The following TAF10 variants were observed in gnomAD, a reference collection of about 807,000 sequenced individuals.
The protein encoded by TAF10 is TATA-box binding protein associated factor 10.
TAF10 carries 2 observed loss-of-function variants against 18.1 expected under a neutral mutation model. The observed-to-expected ratio is 0.11, with a 90% CI of 0.05 to 0.35. The LOEUF is 0.35. TAF10 is among the 10% of genes least tolerant of loss of function. The pLI is 1.00. For missense variants in TAF10, 293 were observed against 306.9 expected, an observed-to-expected ratio of 0.95 and a Z score of 0.34; for synonymous variants, 158 against 134.6, an observed-to-expected ratio of 1.17 and a Z score of -1.20.
rs201143095 is a variant in TAF10, at chr11:6,609,435, G to C, written c.*1487C>G. The C allele has an allele frequency of 2.9e-4, 472 of 1,613,676 alleles. 8 individuals carry two copies. In the South Asian group the frequency reaches 4.6e-3, roughly 16 times the overall value. On this transcript the variant is annotated 3_prime_UTR_variant, in exon 5 of 5. Transcript: ENST00000299424. ...TAGTGCAAGGCGTAACCTGGAAGCT[G>C]CTAGTTCCAAGGAACCCTGAATAGC... is the stretch of plus-strand genomic sequence containing the variant.
At position 6,612,140 on chromosome 11, in the gene TAF10, G is replaced by A. The variant is rs943447900; in HGVS notation, c.50C>T (p.Ala17Val). 5.0e-6 allele frequency: 6 copies of A among 1,196,360 alleles called. No homozygotes were observed. The African/African-American group carries it at 9.6e-5, about 19-fold the overall frequency. The allele number at this position is 1,196,360 out of a possible 1,614,324, so 74.1% of individuals were successfully genotyped here. A position where few individuals can be genotyped will look rare whatever the true frequency, so the allele number is the denominator to read the frequency against. ...GADPEAAPAS[A>V]ASAPGPAPPV... ...GGGCGCGGGGCCCGGGGCCGAGGCG[G>A]CGGAGGCCGGCGCCGCCTCGGGGTC... The change falls in exon 1 of 5, where the codon GCC (alanine) becomes GTC (valine). Residue 17 changes from alanine (A) to valine (V), a missense_variant. Physicochemically the swap from Ala to Val is moderately conservative, Grantham distance 64. Transcript: ENST00000299424.
rs746659166 is a variant in TAF10 at position 6,610,628 on chromosome 11, C to T, written c.*294G>A. Reference sequence around the variant, plus strand: ...GACAAGTAGGACTGGAAGGTCCTTGCCTGAACTCCAGAGGTGTCGGGACAT... The same window carrying T: ...GACAAGTAGGACTGGAAGGTCCTTGTCTGAACTCCAGAGGTGTCGGGACAT... On this transcript the variant is annotated 3_prime_UTR_variant, in exon 5 of 5. Coordinates refer to ENST00000299424, the MANE Select transcript of TAF10 (RefSeq NM_006284.4). The T allele has an allele frequency of 3.7e-6, 6 of 1,613,932 alleles. No individual in the cohort carries two copies. In the Admixed American group the frequency reaches 1.0e-4, roughly 27 times the overall value.
Position 6,609,639 on chromosome 11 carries a change from A to G in TAF10, c.*1283T>C, listed in dbSNP as rs1334974997. On this transcript the variant is annotated 3_prime_UTR_variant, in exon 5 of 5. Coordinates refer to ENST00000299424, the MANE Select transcript of TAF10 (RefSeq NM_006284.4). The stretch of plus-strand genomic sequence containing the variant: ...CTACAATGTACTACATGAAGGCACC[A>G]GTGAGTAGGGATGTTGAATTTCCTT... 3 of 1,614,224 alleles carry G rather than the reference A, an allele frequency of 1.9e-6. No homozygotes were observed. Among genetic ancestry groups the G allele is most frequent in the Non-Finnish European group, 1.7e-6 (2 of 1,180,034 alleles).
chr11:6,610,603 G>T lies in TAF10; in HGVS notation c.*319C>A. 2 of 1,614,190 alleles carry T rather than the reference G, an allele frequency of 1.2e-6. No homozygotes were observed. The highest frequency in any genetic ancestry group is 1.7e-6 in the Non-Finnish European group (2 of 1,180,042). ...TGTGCCTATCCTTGAGAAGATGCAGGACAAGTAGGACTGGAAGGTCCTTGC... is the reference window on the plus strand; with the variant it reads ...TGTGCCTATCCTTGAGAAGATGCAGTACAAGTAGGACTGGAAGGTCCTTGC... On this transcript the variant is annotated 3_prime_UTR_variant, in exon 5 of 5. Coordinates refer to ENST00000299424, the MANE Select transcript of TAF10 (RefSeq NM_006284.4).
At position 6,609,768 on chromosome 11, in the gene TAF10, A is replaced by G. The variant is rs1339432987; in HGVS notation, c.*1154T>C. 4 of 1,614,192 alleles carry G rather than the reference A, an allele frequency of 2.5e-6. No homozygotes were observed. Among genetic ancestry groups the G allele is most frequent in the African/African-American group, 1.3e-5 (1 of 75,050 alleles). ...CCAGGCTGTGAAGTTTGCTTTGGAC[A>G]TGGCAAGGGGCATGGCCTTCCTACA... is the stretch of plus-strand genomic sequence containing the variant. On this transcript the variant is annotated 3_prime_UTR_variant, in exon 5 of 5. Coordinates refer to ENST00000299424, the MANE Select transcript of TAF10 (RefSeq NM_006284.4).
chr11:6,610,259 A>G lies in TAF10; in HGVS notation c.*663T>C. The stretch of plus-strand genomic sequence containing the variant: ...GAGGTACCCTTTGCTGACCTCTCCA[A>G]TATGGAGATTGGAATGAAGGTGAGA... On this transcript the variant is annotated 3_prime_UTR_variant, in exon 5 of 5. Transcript: ENST00000299424. The G allele has an allele frequency of 1.2e-6, 2 of 1,614,168 alleles. No homozygotes were observed. The highest frequency in any genetic ancestry group is 1.7e-5 in the Admixed American group (1 of 60,026).
chr11:6,611,656 A>T lies in TAF10; in HGVS notation c.387+8T>A. ...AGGCTAGGTGGCCTTGTTCGGGCGG[A>T]AGCCCACCGTAGGCGTGTAATCTTC... is the stretch of plus-strand genomic sequence containing the variant. On this transcript the variant is annotated splice_region_variant and intron_variant, in intron 2 of 4. Transcript: ENST00000299424. 6.3e-7 allele frequency: 1 copy of T among 1,579,250 alleles called. No homozygotes were observed. The highest frequency in any genetic ancestry group is 8.6e-7 in the Non-Finnish European group (1 of 1,160,598).
Position 6,611,749 on chromosome 11 carries a change from C to G in TAF10, c.302G>C (p.Ser101Thr), listed in dbSNP as rs760905963. Residue 101 changes from serine to threonine, a missense_variant, in exon 2 of 5, where the codon AGC (serine) becomes ACC (threonine). Physicochemically the swap from Ser to Thr is moderately conservative, Grantham distance 58 (BLOSUM62 1). Transcript: ENST00000299424. ...AISNGVYVLP[S>T]AANGDVKPVV... ...GGGCTTCACGTCTCCGTTGGCCGCGCTCGGCAGTACGTAAACCCCGTTAGA... is the reference window on the plus strand; with the variant it reads ...GGGCTTCACGTCTCCGTTGGCCGCGGTCGGCAGTACGTAAACCCCGTTAGA... The G allele has an allele frequency of 1.2e-5, 19 of 1,611,670 alleles. No individual in the cohort carries two copies. In the Admixed American group the frequency reaches 1.3e-4, roughly 11 times the overall value.
In TAF10 at chr11:6,606,731, A is replaced by G. The variant is rs1003900254; in HGVS notation, c.*4191T>C. ...GGTTAATTCCTTGCAGGTCTTCTTG[A>G]GATAGAAGTCCAGGCCCTGAGGTGG... On this transcript the variant is annotated 3_prime_UTR_variant, in exon 5 of 5. Transcript: ENST00000299424. 4 of 152,194 alleles carry G rather than the reference A, an allele frequency of 2.6e-5. No homozygotes were observed. The highest frequency in any genetic ancestry group is 9.7e-5 in the African/African-American group (4 of 41,424). The allele number at this position is 152,194 out of a possible 1,614,324, so 9.4% of individuals were successfully genotyped here.
In TAF10 at chr11:6,607,150, C is replaced by G. The variant is rs1481539827; in HGVS notation, c.*3772G>C. 1.3e-5 allele frequency: 2 copies of G among 152,472 alleles called. No homozygotes were observed. Among genetic ancestry groups the G allele is most frequent in the Non-Finnish European group, 2.9e-5 (2 of 68,146 alleles). The allele number at this position is 152,472 out of a possible 1,614,324, so 9.4% of individuals were successfully genotyped here. A position where few individuals can be genotyped will look rare whatever the true frequency, so the allele number is the denominator to read the frequency against. ...GGCTGCTGGCCCAGACCACGGACCG[C>G]CCCCTGCTCCGCCCCTTGAATCTGC... On this transcript the variant is annotated 3_prime_UTR_variant, in exon 5 of 5. Transcript: ENST00000299424.
At position 6,610,582 on chromosome 11, in the gene TAF10, C is replaced by G. The variant is rs766624785; in HGVS notation, c.*340G>C. On this transcript the variant is annotated 3_prime_UTR_variant, in exon 5 of 5. Coordinates refer to ENST00000299424, the MANE Select transcript of TAF10 (RefSeq NM_006284.4). ...GCGACCCAAATTTGACATGATTGTG[C>G]CTATCCTTGAGAAGATGCAGGACAA... is the stretch of plus-strand genomic sequence containing the variant. 1.2e-6 allele frequency: 2 copies of G among 1,614,208 alleles called. No individual in the cohort carries two copies. The highest frequency in any genetic ancestry group is 2.2e-5 in the South Asian group (2 of 91,088).
Position 6,609,574 on chromosome 11 carries a change from A to T in TAF10, c.*1348T>A, listed in dbSNP as rs1855292500. 1 of 1,613,956 alleles carries T rather than the reference A, an allele frequency of 6.2e-7. No homozygotes were observed. Among genetic ancestry groups the T allele is most frequent in the Admixed American group, 1.7e-5 (1 of 59,986 alleles). The stretch of plus-strand genomic sequence containing the variant: ...GCCTGCCAGTCTCCACCTGCTCCTC[A>T]TCCTACTCTCATCACACACTGGATG... On this transcript the variant is annotated 3_prime_UTR_variant, in exon 5 of 5. Transcript: ENST00000299424.
Position 6,608,962 on chromosome 11 carries a change from G to C in TAF10, c.*1960C>G. ...TTCTGGAAGGGGACCACCCGCACTC[G>C]GCCCCGTGAGTCACCACTGTGGGAA... On this transcript the variant is annotated 3_prime_UTR_variant, in exon 5 of 5. Coordinates refer to ENST00000299424, the MANE Select transcript of TAF10 (RefSeq NM_006284.4). This position sits in a 1 kb window ranked among gnomAD's most constrained non-coding sequence, Gnocchi z 4.9. The C allele has an allele frequency of 3.1e-6, 5 of 1,614,108 alleles. No individual in the cohort carries two copies. Among genetic ancestry groups the C allele is most frequent in the Non-Finnish European group, 2.5e-6 (3 of 1,179,970 alleles).
Position 6,611,765 on chromosome 11 carries a change from C to A in TAF10, c.286G>T (p.Val96Phe). ...APPEGAISNG[V>F]YVLPSAANGD... The stretch of plus-strand genomic sequence containing the variant: ...TTGGCCGCGCTCGGCAGTACGTAAA[C>A]CCCGTTAGATATGGCCCCCTCCGGG... The change falls in exon 2 of 5, where the codon GTT becomes TTT. Residue 96 changes from valine (V) to phenylalanine (F), a missense_variant. Val to Phe is a conservative substitution (Grantham distance 50, BLOSUM62 -1). Coordinates refer to ENST00000299424, the MANE Select transcript of TAF10 (RefSeq NM_006284.4). The A allele has an allele frequency of 1.9e-6, 3 of 1,610,720 alleles. No individual in the cohort carries two copies. Among genetic ancestry groups the A allele is most frequent in the Non-Finnish European group, 2.5e-6 (3 of 1,178,340 alleles).
rs1345126789 is a variant in TAF10, at chr11:6,610,593, G to A, written c.*329C>T. The A allele has an allele frequency of 3.1e-6, 5 of 1,614,246 alleles. No homozygotes were observed. Among genetic ancestry groups the A allele is most frequent in the Non-Finnish European group, 4.2e-6 (5 of 1,180,046 alleles). ...TTGACATGATTGTGCCTATCCTTGA[G>A]AAGATGCAGGACAAGTAGGACTGGA... On this transcript the variant is annotated 3_prime_UTR_variant, in exon 5 of 5. Transcript: ENST00000299424.
chr11:6,611,948 C>T lies in TAF10; in HGVS notation c.232+10G>A, dbSNP rs142033241. ...ACGCTTCCCTCGCCCTCACCCGTCC[C>T]GGCCCTCACCCGCCCCACGCCGCTC... On this transcript the variant is annotated intron_variant, in intron 1 of 4. Coordinates refer to ENST00000299424, the MANE Select transcript of TAF10 (RefSeq NM_006284.4). 2.0e-5 allele frequency: 32 copies of T among 1,573,866 alleles called. No homozygotes were observed. Among genetic ancestry groups the T allele is most frequent in the Non-Finnish European group, 2.7e-5 (32 of 1,167,542 alleles).
chr11:6,610,123 G>A lies in TAF10; in HGVS notation c.*799C>T. On this transcript the variant is annotated 3_prime_UTR_variant, in exon 5 of 5. Coordinates refer to ENST00000299424, the MANE Select transcript of TAF10 (RefSeq NM_006284.4). The stretch of plus-strand genomic sequence containing the variant: ...AGAGACAGGACAGGCAAGGGGGCCA[G>A]AACAGACAAGCCCTATCTCTCCAGC... 2.5e-6 allele frequency: 4 copies of A among 1,614,170 alleles called. No individual in the cohort carries two copies. The highest frequency in any genetic ancestry group is 3.4e-6 in the Non-Finnish European group (4 of 1,180,024).
chr11:6,608,009 C>A lies in TAF10; in HGVS notation c.*2913G>T. On this transcript the variant is annotated 3_prime_UTR_variant, in exon 5 of 5. Coordinates refer to ENST00000299424, the MANE Select transcript of TAF10 (RefSeq NM_006284.4). The surrounding 1 kb of genome is among the most constrained non-coding windows in gnomAD (Gnocchi z 4.9). ...AGGAATCAAAACCTTTGCCCCATCCCACCTCCAGCTCAATGACCATTGCCC... is the reference window on the plus strand; with the variant it reads ...AGGAATCAAAACCTTTGCCCCATCCAACCTCCAGCTCAATGACCATTGCCC... 1 of 1,610,562 alleles carries A rather than the reference C, an allele frequency of 6.2e-7. No individual in the cohort carries two copies. Among genetic ancestry groups the A allele is most frequent in the Non-Finnish European group, 8.5e-7 (1 of 1,177,808 alleles).
In TAF10 at chr11:6,612,206, G is replaced by A; in HGVS notation, c.-17C>T. 3 of 1,243,032 alleles carry A rather than the reference G, an allele frequency of 2.4e-6. No individual in the cohort carries two copies. The highest frequency in any genetic ancestry group is 3.5e-5 in the Admixed American group (1 of 28,490). The allele number at this position is 1,243,032 out of a possible 1,614,324, so 77.0% of individuals were successfully genotyped here. ...GCAGCTCATCGGGCCGGTGGGAGAG[G>A]CGGCGAACAGAGCCGCTTCCGCTTC... On this transcript the variant is annotated 5_prime_UTR_variant, in exon 1 of 5. Coordinates refer to ENST00000299424, the MANE Select transcript of TAF10 (RefSeq NM_006284.4).
Sources: allele counts gnomAD v4.1 joint callset, GRCh38; gene constraint gnomAD v4.1.1; non-coding constraint Gnocchi (gnomAD v3.1); transcripts MANE v1.5; gene names NCBI Gene and HGNC (gene_info 2026-07-23, HGNC 2026-07-21).